The following ZNF160 variants were observed in gnomAD, a reference collection of about 807,000 sequenced individuals.
ZNF160 encodes the protein zinc finger protein 160, also known as KRAB zinc finger protein KR18.
Under a neutral mutation model 13.1 loss-of-function variants are expected in ZNF160, and 9 were observed. The observed-to-expected ratio is 0.69, with a 90% CI of 0.41 to 1.20. The LOEUF is 1.20. Among genes scored for constraint, ZNF160 ranks in the 50% most tolerant of loss-of-function variants. The pLI, the probability that ZNF160 is intolerant of heterozygous loss-of-function variation, is 0.01. For synonymous variants in ZNF160, 293 were observed against 333.2 expected (o/e 0.88, Z 1.31); for missense variants, 838 against 988.0 (o/e 0.85, Z 2.04).
Position 53,067,952 on chromosome 19 carries a change from C to T in ZNF160, c.*125G>A. The T allele has an allele frequency of 7.4e-7, 1 of 1,356,880 alleles. No homozygotes were observed. The highest frequency in any genetic ancestry group is 1.5e-5 in the South Asian group (1 of 66,928). 84.1% of individuals were successfully genotyped at this position (1,356,880 alleles called of 1,614,324 possible). A position where few individuals can be genotyped will look rare whatever the true frequency, so the allele number is the denominator to read the frequency against. On this transcript the variant is annotated 3_prime_UTR_variant, in exon 6 of 6. Transcript: ENST00000683776. ...ACATGATGTCTCTTGCTTATGGCCT[C>T]TCATATCTATTAATGCTTCAACTCA... is the stretch of plus-strand genomic sequence containing the variant.
At chr19:53,099,210 G>C (rs2085355383) in intron 1 of ZNF160, among the ~76,000 whole-genome samples, 1 of 152,222 alleles carries the variant, frequency 6.6e-6, no homozygotes, top group Non-Finnish European at 1.5e-5. Context: ...GAGAATTTCA[G>C]ATGGGGGTGC....
At chr19:53,077,584 G>A (rs920407412) in intron 3 of ZNF160, among the ~76,000 whole-genome samples, 6 of 149,458 alleles carry the variant, frequency 4.0e-5, no homozygotes, top group African/African-American at 1.2e-4. Context: ...ACAGAGAATC[G>A]CTTGAACCCG....
intron 1 of ZNF160, among the ~76,000 whole-genome samples, chr19:53,099,027 C>T (rs1032761541): frequency 3.4e-5 from 5 of 147,766 alleles, no homozygotes; most frequent in African/African-American, 1.3e-4. Context: ...ACTCCTCAGC[C>T]CGACCCCAGC....
At chr19:53,072,267 A>C (rs2084208852) in intron 5 of ZNF160, among the ~76,000 whole-genome samples, 2 of 151,906 alleles carry the variant, frequency 1.3e-5, no homozygotes, top group East Asian at 1.9e-4. Context: ...ATGCCTGGCT[A>C]ATTTTTGTAT....
At chr19:53,093,285 C>T (rs1364310642) in intron 1 of ZNF160, among the ~76,000 whole-genome samples, 1 of 152,064 alleles carries the variant, frequency 6.6e-6, no homozygotes, top group East Asian at 1.9e-4. Flanking sequence ...ACTAAAAATA[C>T]AAAAATTAGC....
Position 53,091,684 on chromosome 19 carries a change from G to A in ZNF160, c.-317C>T, listed in dbSNP as rs1287130397. On this transcript the variant is annotated 5_prime_UTR_variant, in exon 2 of 6. Transcript: ENST00000683776. ...TGGGCTGGGAGCCGGGATCTCTCTA[G>A]GTCGTCAGGGGGCAGTGTTCGGATC... is the stretch of plus-strand genomic sequence containing the variant. 1 of 152,270 alleles carries A rather than the reference G, an allele frequency of 6.6e-6. No individual in the cohort carries two copies. Among genetic ancestry groups the A allele is most frequent in the Non-Finnish European group, 1.5e-5 (1 of 68,058 alleles). 9.4% of individuals were successfully genotyped at this position (152,270 alleles called of 1,614,324 possible). A position where few individuals can be genotyped will look rare whatever the true frequency, so the allele number is the denominator to read the frequency against.
intron 1 of ZNF160, among the ~76,000 whole-genome samples, chr19:53,094,916 C>T (rs1447841204): frequency 2.0e-5 from 3 of 151,988 alleles, no homozygotes; most frequent in Admixed American, 6.5e-5. Context: ...GCTCCTTTCC[C>T]GGCCCTGCCC....
intron 3 of ZNF160, among the ~76,000 whole-genome samples, chr19:53,078,241 G>A (rs568608871): frequency 1.4e-5 from 2 of 146,154 alleles, no homozygotes; most frequent in South Asian, 2.2e-4. Context: ...CACCTCAGGG[G>A]AAAAAAAAAA....
At chr19:53,088,835 C>T (rs1221722315) in intron 2 of ZNF160, among the ~76,000 whole-genome samples, 1 of 152,144 alleles carries the variant, frequency 6.6e-6, no homozygotes, top group Non-Finnish European at 1.5e-5. Flanking sequence ...CTGTTTTACT[C>T]AATTCTGACA....
At chr19:53,096,838 G>A (rs1399560276) in intron 1 of ZNF160, among the ~76,000 whole-genome samples, 6 of 128,648 alleles carry the variant, frequency 4.7e-5, no homozygotes, top group South Asian at 2.5e-4. Flanking sequence ...AGGGAGAAGC[G>A]TGTGCATAGG....
rs187171029 is a variant in ZNF160 at position 53,096,003 on chromosome 19, A to T, written c.-353-4283T>A. Among the ~76,000 whole-genome samples, 434 of 152,290 alleles carry T rather than the reference A, an allele frequency of 2.8e-3. 1 individual carries two copies. Among genetic ancestry groups the T allele is most frequent in the Non-Finnish European group, 5.5e-3 (377 of 68,032 alleles). On this transcript the variant is annotated intron_variant, in intron 1 of 5. Transcript: ENST00000683776. Reference sequence around the variant, plus strand: ...GAGGCCGAGGTGGGCAGATCATATGAAGTCAGGAGTTCAAGACCAGCTGAC... The same window carrying T: ...GAGGCCGAGGTGGGCAGATCATATGTAGTCAGGAGTTCAAGACCAGCTGAC...
intron 1 of ZNF160, among the ~76,000 whole-genome samples, chr19:53,092,494 A>T (rs943111184): frequency 6.6e-6 from 1 of 152,090 alleles, no homozygotes; most frequent in African/African-American, 2.4e-5. Flanking sequence ...TTGTATTTTT[A>T]GTAGAGACGG....
chr19:53,078,700 TAAG>T (rs956468094), intron 3 of ZNF160, among the ~76,000 whole-genome samples: 11 of 151,122 alleles, frequency 7.3e-5, no homozygotes, highest in African/African-American at 2.2e-4. Context: ...AATGTCAAAG[TAAG>T]AAGAAGGAGT....
intron 3 of ZNF160, chr19:53,075,711 T>A (rs773483251): frequency 3.9e-6 from 2 of 518,768 alleles, no homozygotes; most frequent in Middle Eastern, 3.2e-4. Flanking sequence ...TGTTCATCTG[T>A]GTGCTTTGTA....
At chr19:53,092,575 G>A (rs532201314) in intron 1 of ZNF160, among the ~76,000 whole-genome samples, 23 of 152,228 alleles carry the variant, frequency 1.5e-4, no homozygotes, top group Admixed American at 1.4e-3. Context: ...TGGCCTCCCA[G>A]AGTGCTGGGA....
intron 1 of ZNF160, among the ~76,000 whole-genome samples, chr19:53,094,537 T>A (rs73068970): frequency 1.3e-5 from 2 of 152,282 alleles, no homozygotes; most frequent in East Asian, 1.9e-4. Flanking sequence ...TGAGTTGTGA[T>A]CCTCTTAATG....
intron 3 of ZNF160, 64 bp from the exon 4 acceptor site, chr19:53,075,247 A>T (rs371014235): frequency 1.3e-6 from 2 of 1,586,866 alleles, no homozygotes. Flanking sequence ...ACATAAAAGG[A>T]GAAGAGGAGA....
At position 53,067,884 on chromosome 19, in the gene ZNF160, A is replaced by G; in HGVS notation, c.*193T>C. Reference sequence around the variant, plus strand: ...ATCAAAGATATAAATCTTGATGCCTAGTAACCTGCGAGGCCTGGATAGACC... The same window carrying G: ...ATCAAAGATATAAATCTTGATGCCTGGTAACCTGCGAGGCCTGGATAGACC... On this transcript the variant is annotated 3_prime_UTR_variant, in exon 6 of 6. Coordinates refer to ENST00000683776, the MANE Select transcript of ZNF160 (RefSeq NM_001322131.2). The G allele has an allele frequency of 1.6e-6, 1 of 641,116 alleles. No homozygotes were observed. The highest frequency in any genetic ancestry group is 2.5e-6 in the Non-Finnish European group (1 of 405,418). The allele number at this position is 641,116 out of a possible 1,614,324, so 39.7% of individuals were successfully genotyped here. A position where few individuals can be genotyped will look rare whatever the true frequency, so the allele number is the denominator to read the frequency against.
chr19:53,100,407 G>A (rs915600577), intron 1 of ZNF160, among the ~76,000 whole-genome samples: 1 of 148,034 alleles, frequency 6.8e-6, no homozygotes, highest in Admixed American at 6.7e-5. Context: ...TCAGGAGATC[G>A]AGACCATCCT....
Sources: gnomAD v4.1 joint callset for allele counts (sites outside exome capture counted in the v4.1 genomes callset) on GRCh38, gnomAD v4.1.1 for gene constraint, MANE v1.5 for transcripts, NCBI Gene and HGNC (gene_info 2026-07-23, HGNC 2026-07-21) for gene names.